The following SORL1 variants were observed in gnomAD, a reference collection of about 807,000 sequenced individuals.
SORL1 encodes sortilin-related receptor.
In SORL1, 127 loss-of-function variants were observed where a neutral mutation model predicts 273.7. That is an observed-to-expected ratio of 0.46 (90% CI 0.40 to 0.54). SORL1 has a LOEUF of 0.54. Ranked by LOEUF, SORL1 falls within the 20% of genes least tolerant of loss-of-function variation. The probability of loss-of-function intolerance (pLI) is 0.00; values close to 1 mark genes in which losing one functional copy is unlikely to be tolerated. For missense variants in SORL1, 2,494 were observed against 2,846.1 expected (o/e 0.88, Z 2.81); for synonymous variants, 1,031 against 1,067.4 (o/e 0.97, Z 0.66).
intron 6 of SORL1, among the ~76,000 whole-genome samples, chr11:121,501,840 C>T (rs1328306241): frequency 1.3e-5 from 2 of 152,124 alleles, no homozygotes; most frequent in Non-Finnish European, 2.9e-5. Context: ...ATATCAGTGA[C>T]CTTTTGTGAC....
intron 12 of SORL1, among the ~76,000 whole-genome samples, chr11:121,541,203 C>CT (rs35609606): frequency 0.18 from 22,433 of 127,056 alleles, 2,514 homozygotes; most frequent in East Asian, 0.33. Flanking sequence ...GTAGCAGTAT[C>CT]TTTTTTTTTT....
Position 121,460,531 on chromosome 11 carries a change from G to A in SORL1, c.285+7915G>A, listed in dbSNP as rs920862516. Among the ~76,000 whole-genome samples the A allele has an allele frequency of 3.3e-5, 5 of 152,054 alleles. No homozygotes were observed. The South Asian group carries it at 6.2e-4, about 19-fold the overall frequency. On this transcript the variant is annotated intron_variant, in intron 1 of 47. Transcript: ENST00000260197. ...GTGCCTCAGCCTCCTGAGTAGCTGG[G>A]ATTACAGGTGCGCACCACCACGCCC...
At chr11:121,463,449 A>T (rs1861034731) in intron 1 of SORL1, among the ~76,000 whole-genome samples, 1 of 152,184 alleles carries the variant, frequency 6.6e-6, no homozygotes, top group African/African-American at 2.4e-5. Flanking sequence ...GCTGCCAAGG[A>T]TCAATCAGAA....
Position 121,569,431 on chromosome 11 carries a change from A to G in SORL1, c.3224-726A>G, listed in dbSNP as rs189515618. 8.5e-5 allele frequency among the ~76,000 whole-genome samples: 13 copies of G among 152,386 alleles called. No homozygotes were observed. The East Asian group carries it at 2.3e-3, about 27-fold the overall frequency. ...TCTTTCAAAAGGAAATGGGAGAAAT[A>G]TCGCTGAATTCTTTTTCCCAGCAAG... On this transcript the variant is annotated intron_variant, in intron 22 of 47. Coordinates refer to ENST00000260197, the MANE Select transcript of SORL1 (RefSeq NM_003105.6).
At chr11:121,537,549 G>T (rs1047090710) in intron 12 of SORL1, among the ~76,000 whole-genome samples, 9 of 152,128 alleles carry the variant, frequency 5.9e-5, no homozygotes, top group African/African-American at 1.9e-4. Flanking sequence ...CCTCTGTTGT[G>T]GGTCCAAGGG....
intron 31 of SORL1, among the ~76,000 whole-genome samples, chr11:121,592,758 A>C (rs937932603): frequency 6.6e-6 from 1 of 152,208 alleles, no homozygotes; most frequent in African/African-American, 2.4e-5. Context: ...ATGAATTGTA[A>C]AAGAGAAAAC....
intron 39 of SORL1, 115 bp downstream of exon 39, chr11:121,611,273 A>C: frequency 1.4e-6 from 1 of 713,144 alleles, no homozygotes. Context: ...AAAAAAAACG[A>C]ACGGCTAGAT....
At chr11:121,459,766 C>T (rs1018389961) in intron 1 of SORL1, among the ~76,000 whole-genome samples, 17 of 152,246 alleles carry the variant, frequency 1.1e-4, no homozygotes, top group African/African-American at 3.6e-4. Context: ...CCTTTGCTTC[C>T]TGTGCTTTTG....
Position 121,452,927 on chromosome 11 carries a change from A to T in SORL1, c.285+311A>T, listed in dbSNP as rs1000940902. Reference sequence around the variant, plus strand: ...GGGTGCAGCTTCATTTTACATCTGGATAAAAAACGGGCTTTCTTTAGTGTA... The same window carrying T: ...GGGTGCAGCTTCATTTTACATCTGGTTAAAAAACGGGCTTTCTTTAGTGTA... On this transcript the variant is annotated intron_variant, in intron 1 of 47. Transcript: ENST00000260197. The surrounding 1 kb of genome is among the most constrained non-coding windows in gnomAD (Gnocchi z 5.3). 6.5e-6 allele frequency: 2 copies of T among 307,468 alleles called. No homozygotes were observed. The highest frequency in any genetic ancestry group is 4.3e-5 in the African/African-American group (2 of 46,536). 19.0% of individuals were successfully genotyped at this position (307,468 alleles called of 1,614,324 possible).
chr11:121,555,336 C>G lies in SORL1; in HGVS notation c.2571+18C>G, dbSNP rs746271103. ...AGATTGAGGTATGTGTATTTTCGTG[C>G]TGTTCTTAATTAAGGGAGCAGGCGG... On this transcript the variant is annotated intron_variant, in intron 18 of 47. Transcript: ENST00000260197. 5 of 1,612,350 alleles carry G rather than the reference C, an allele frequency of 3.1e-6. No individual in the cohort carries two copies. In the South Asian group the frequency reaches 5.5e-5, roughly 18 times the overall value.
chr11:121,543,495 C>T (rs1591319372), intron 12 of SORL1, 53 bp from the exon 13 acceptor site: 1 of 1,471,762 alleles, frequency 6.8e-7, no homozygotes, highest in Admixed American at 1.8e-5. Flanking sequence ...GGAAACCAAG[C>T]CTTTGCCTTA....
Position 121,612,766 on chromosome 11 carries a change from G to T in SORL1, c.5353G>T (p.Ala1785Ser). 6.2e-7 allele frequency: 1 copy of T among 1,614,074 alleles called. No homozygotes were observed. The highest frequency in any genetic ancestry group is 8.5e-7 in the Non-Finnish European group (1 of 1,179,962). ...TGGCTATGTGGTGAACCTTTTCTGG[G>T]CATTTGACACCCACAAGCAAGAGAG... is the stretch of plus-strand genomic sequence containing the variant. ...VNGYVVNLFW[A>S]FDTHKQERRT... The change falls in exon 40 of 48, where the codon GCA becomes TCA. Residue 1785 changes from alanine (A) to serine (S), a missense_variant. This residue lies in a region of SORL1 where 1,609 missense variants were observed against 1,816.4 expected (regional missense o/e 0.89). Coordinates refer to ENST00000260197, the MANE Select transcript of SORL1 (RefSeq NM_003105.6).
chr11:121,486,549 G>A (rs1178616337), intron 3 of SORL1, among the ~76,000 whole-genome samples: 1 of 147,692 alleles, frequency 6.8e-6, no homozygotes, highest in East Asian at 2.0e-4. Context: ...GCACGCTCTT[G>A]GCTCACTGCA....
At chr11:121,577,899 G>A (rs1190957018) in intron 25 of SORL1, among the ~76,000 whole-genome samples, 1 of 152,138 alleles carries the variant, frequency 6.6e-6, no homozygotes, top group African/African-American at 2.4e-5. Context: ...TTCTTTTGTT[G>A]GGTTCGCTTA....
chr11:121,565,955 C>T (rs1862748261), intron 21 of SORL1, among the ~76,000 whole-genome samples: 1 of 152,212 alleles, frequency 6.6e-6, no homozygotes, highest in Non-Finnish European at 1.5e-5. Flanking sequence ...ACACATTGCA[C>T]AGCAGTGGCT....
At chr11:121,586,986 T>C (rs1863125785) in intron 27 of SORL1, among the ~76,000 whole-genome samples, 1 of 152,200 alleles carries the variant, frequency 6.6e-6, no homozygotes, top group Admixed American at 6.5e-5. Context: ...CAAACTAGCC[T>C]GTGGGCAAAA....
intron 23 of SORL1, among the ~76,000 whole-genome samples, chr11:121,571,863 C>G (rs971746961): frequency 6.6e-6 from 1 of 152,198 alleles, no homozygotes; most frequent in Non-Finnish European, 1.5e-5. Context: ...AAGCACTAGC[C>G]TCTCTGTGTC....
rs773908330 is a variant in SORL1 at position 121,520,718 on chromosome 11, A to T, written c.1273A>T (p.Ile425Phe). Reference protein sequence around the residue: ...HRVEGLQGVYIATLINGSMNE... With the variant: ...HRVEGLQGVYFATLINGSMNE... ...AGTGGAAGGATTGCAAGGAGTCTACATTGCTACTCTGATTAATGGTTCTAT... is the reference window on the plus strand; with the variant it reads ...AGTGGAAGGATTGCAAGGAGTCTACTTTGCTACTCTGATTAATGGTTCTAT... The change falls in exon 9 of 48, where the codon ATT (isoleucine) becomes TTT (phenylalanine). Residue 425 changes from isoleucine to phenylalanine, a missense_variant. Physicochemically the swap from Ile to Phe is conservative, Grantham distance 21 (BLOSUM62 0). Coordinates refer to ENST00000260197, the MANE Select transcript of SORL1 (RefSeq NM_003105.6). The T allele has an allele frequency of 6.2e-7, 1 of 1,609,488 alleles. No individual in the cohort carries two copies. Among genetic ancestry groups the T allele is most frequent in the East Asian group, 2.2e-5 (1 of 44,708 alleles).
In SORL1 at chr11:121,596,486, G is replaced by A. The variant is rs989877366; in HGVS notation, c.4519+714G>A. On this transcript the variant is annotated intron_variant, in intron 32 of 47. Coordinates refer to ENST00000260197, the MANE Select transcript of SORL1 (RefSeq NM_003105.6). This position sits in a 1 kb window ranked among gnomAD's most constrained non-coding sequence, Gnocchi z 4.3. ...CGCTAATGCCGCCGTTGGCTGGTCT[G>A]TCCTACTGTAGCAGACTTGGGAGGG... 1.3e-5 allele frequency among the ~76,000 whole-genome samples: 2 copies of A among 152,196 alleles called. No individual in the cohort carries two copies. Among genetic ancestry groups the A allele is most frequent in the African/African-American group, 4.8e-5 (2 of 41,450 alleles).
Sources: allele counts gnomAD v4.1 joint callset (sites outside exome capture counted in the v4.1 genomes callset), GRCh38; gene constraint gnomAD v4.1.1; regional missense constraint gnomAD v4.1.1; non-coding constraint Gnocchi (gnomAD v3.1); transcripts MANE v1.5; gene names NCBI Gene and HGNC (gene_info 2026-07-23, HGNC 2026-07-21).